The following GPR149 variants were observed in gnomAD, a reference collection of about 807,000 sequenced individuals.
GPR149 encodes the protein G protein-coupled receptor 149, also known as probable G protein-coupled receptor 149.
GPR149 carries 50 observed loss-of-function variants against 50.2 expected under a neutral mutation model. The observed-to-expected ratio is 1.00, with a 90% CI of 0.79 to 1.26. The LOEUF (loss-of-function observed/expected upper bound fraction) is 1.26, where lower values mean the gene tolerates loss of function less well. Among genes scored for constraint, GPR149 ranks in the 50% most tolerant of loss-of-function variants. GPR149 has a pLI of 0.00. For missense variants in GPR149, 983 were observed against 895.4 expected (o/e 1.10, Z -1.25); for synonymous variants, 405 against 358.2 (o/e 1.13, Z -1.48).
intron 3 of GPR149, chr3:154,354,777 G>T: frequency 2.8e-6 from 2 of 701,776 alleles, no homozygotes; most frequent in Non-Finnish European, 2.1e-6. Flanking sequence ...CCATAATGTC[G>T]CCCCAAGGAG....
At position 154,350,035 on chromosome 3, in the gene GPR149, A is replaced by G. The variant is rs182700244; in HGVS notation, c.1624-11764T>C. 2.8e-4 allele frequency among the ~76,000 whole-genome samples: 43 copies of G among 152,036 alleles called. No homozygotes were observed. In the East Asian group the frequency reaches 7.4e-3, roughly 26 times the overall value. On this transcript the variant is annotated intron_variant, in intron 3 of 3. Coordinates refer to ENST00000389740, the MANE Select transcript of GPR149 (RefSeq NM_001038705.3). The stretch of plus-strand genomic sequence containing the variant: ...GTAGCCTCCACCTCTATCTGTACAA[A>G]AAATAAAAAAATTTAGCTAGGCATG...
At chr3:154,417,876 A>G (rs1712031570) in intron 3 of GPR149, among the ~76,000 whole-genome samples, 2 of 152,216 alleles carry the variant, frequency 1.3e-5, no homozygotes, top group African/African-American at 4.8e-5. Context: ...TCAGTCCTAA[A>G]TGTGTTTTTG....
Position 154,338,080 on chromosome 3 carries a change from A to G in GPR149, c.1815T>C (p.Asp605=). The change falls in exon 4 of 4, where the codon GAT becomes GAC. Residue 605 remains aspartate, a synonymous_variant. Coordinates refer to ENST00000389740, the MANE Select transcript of GPR149 (RefSeq NM_001038705.3). ...TGGTGTCCACAAACGTGGATGAAGA[A>G]TCTTCTGAGTTTGGTTCATGGCCAA... is the stretch of plus-strand genomic sequence containing the variant. ...KSVGHEPNSE[D]SSSTFVDTSV... is the part of the protein sequence containing the mutation. The G allele has an allele frequency of 3.1e-6, 5 of 1,614,182 alleles. No individual in the cohort carries two copies. Among genetic ancestry groups the G allele is most frequent in the Middle Eastern group, 1.6e-4 (1 of 6,062 alleles).
At position 154,382,072 on chromosome 3, in the gene GPR149, ATC is replaced by A. The variant is rs2108407119; in HGVS notation, c.1623+38965_1623+38966del. ...ACATAGTGAGTCAATCTTAATACAT[ATC>A]TCTGAGAGTTTTCAAGTTTTCTTAT... is the stretch of plus-strand genomic sequence containing the variant. On this transcript the variant is annotated intron_variant, in intron 3 of 3. Transcript: ENST00000389740. Among the ~76,000 whole-genome samples the A allele has an allele frequency of 1.3e-5, 2 of 152,288 alleles. 1 individual carries two copies. Among genetic ancestry groups the A allele is most frequent in the South Asian group, 4.1e-4 (2 of 4,826 alleles).
intron 3 of GPR149, among the ~76,000 whole-genome samples, chr3:154,344,822 G>T (rs1713884950): frequency 6.6e-6 from 1 of 152,104 alleles, no homozygotes; most frequent in East Asian, 1.9e-4. Context: ...TCAGACTTCT[G>T]GTTTCTAGAA....
intron 3 of GPR149, among the ~76,000 whole-genome samples, chr3:154,376,787 C>G (rs1048096746): frequency 2.6e-5 from 4 of 152,094 alleles, no homozygotes; most frequent in African/African-American, 9.7e-5. Flanking sequence ...GGCAGTGCAG[C>G]TCAGTGGTTA....
At chr3:154,403,999 A>G (rs1374081628) in intron 3 of GPR149, among the ~76,000 whole-genome samples, 1 of 152,230 alleles carries the variant, frequency 6.6e-6, no homozygotes, top group Non-Finnish European at 1.5e-5. Flanking sequence ...AAACAACCAC[A>G]TGTGACTAGT....
rs1045390417 is a variant in GPR149 at position 154,343,936 on chromosome 3, G to A, written c.1624-5665C>T. ...AGAGGCTGCAGTGAGCCATGATCAC[G>A]CCACTGCATTCCAACCCGGGTGACA... On this transcript the variant is annotated intron_variant, in intron 3 of 3. Transcript: ENST00000389740. Among the ~76,000 whole-genome samples the A allele has an allele frequency of 3.3e-5, 5 of 151,790 alleles. No homozygotes were observed. The East Asian group carries it at 5.8e-4, about 18-fold the overall frequency.
chr3:154,360,609 A>G (rs1355032324), intron 3 of GPR149, among the ~76,000 whole-genome samples: 1 of 152,234 alleles, frequency 6.6e-6, no homozygotes, highest in African/African-American at 2.4e-5. Flanking sequence ...AGAAAAAAAT[A>G]GATAGTACAA....
chr3:154,369,184 C>T (rs1714605650), intron 3 of GPR149, among the ~76,000 whole-genome samples: 1 of 152,146 alleles, frequency 6.6e-6, no homozygotes, highest in Admixed American at 6.5e-5. Context: ...ACCATGCCTT[C>T]AAAACTGGAC....
At chr3:154,381,702 T>A (rs1714933244) in intron 3 of GPR149, among the ~76,000 whole-genome samples, 1 of 152,172 alleles carries the variant, frequency 6.6e-6, no homozygotes, top group African/African-American at 2.4e-5. Flanking sequence ...TTGGTGGAAC[T>A]ACTCTAACAA....
intron 3 of GPR149, among the ~76,000 whole-genome samples, chr3:154,341,799 C>A (rs1220115846): frequency 6.6e-6 from 1 of 151,842 alleles, no homozygotes; most frequent in Non-Finnish European, 1.5e-5. Flanking sequence ...AGGTGGATTC[C>A]CAAGTATAAT....
At chr3:154,349,509 C>T (rs1324420214) in intron 3 of GPR149, among the ~76,000 whole-genome samples, 1 of 152,060 alleles carries the variant, frequency 6.6e-6, no homozygotes. Flanking sequence ...TAGATTGATC[C>T]CTTGTAAAAC....
At chr3:154,410,403 A>G (rs1194492853) in intron 3 of GPR149, among the ~76,000 whole-genome samples, 1 of 152,198 alleles carries the variant, frequency 6.6e-6, no homozygotes, top group African/African-American at 2.4e-5. Context: ...TTGAATGTAA[A>G]TGGTCTAAAT....
chr3:154,379,532 T>G (rs182945702), intron 3 of GPR149, among the ~76,000 whole-genome samples: 1 of 152,298 alleles, frequency 6.6e-6, no homozygotes, highest in Admixed American at 6.5e-5. Flanking sequence ...AGGGTCACAG[T>G]AATTTTTTCC....
chr3:154,359,076 G>A lies in GPR149; in HGVS notation c.1624-20805C>T, dbSNP rs1287201056. On this transcript the variant is annotated intron_variant, in intron 3 of 3. Coordinates refer to ENST00000389740, the MANE Select transcript of GPR149 (RefSeq NM_001038705.3). ...TCGTTTAACTCCATAGAGCCTATACGGGTAGTATGCATTATTTAAATCAAT... is the reference window on the plus strand; with the variant it reads ...TCGTTTAACTCCATAGAGCCTATACAGGTAGTATGCATTATTTAAATCAAT... Among the ~76,000 whole-genome samples, 29 of 152,014 alleles carry A rather than the reference G, an allele frequency of 1.9e-4. 1 individual carries two copies. Among genetic ancestry groups the A allele is most frequent in the Admixed American group, 1.4e-3 (22 of 15,264 alleles).
chr3:154,387,192 G>A (rs1715063660), intron 3 of GPR149, among the ~76,000 whole-genome samples: 1 of 152,024 alleles, frequency 6.6e-6, no homozygotes, highest in African/African-American at 2.4e-5. Flanking sequence ...TTTTCTGCAG[G>A]GTGAACTATT....
intron 3 of GPR149, among the ~76,000 whole-genome samples, chr3:154,406,566 C>T (rs1046341655): frequency 1.3e-5 from 2 of 152,044 alleles, no homozygotes; most frequent in Non-Finnish European, 2.9e-5. Context: ...ATTACACAGC[C>T]ATGAGGAAGA....
At position 154,429,715 on chromosome 3, in the gene GPR149, G is replaced by T; in HGVS notation, c.-100C>A. On this transcript the variant is annotated 5_prime_UTR_variant, in exon 1 of 4. Coordinates refer to ENST00000389740, the MANE Select transcript of GPR149 (RefSeq NM_001038705.3). ...AATCAGATTTCATTCCTCCTACCAA[G>T]TTCCCCTCTAGATGTTCTCCTTGTC... 9.4e-7 allele frequency: 1 copy of T among 1,068,742 alleles called. No individual in the cohort carries two copies. Among genetic ancestry groups the T allele is most frequent in the African/African-American group, 1.6e-5 (1 of 63,266 alleles). 66.2% of individuals were successfully genotyped at this position (1,068,742 alleles called of 1,614,324 possible).
Sources: gnomAD v4.1 joint callset for allele counts (sites outside exome capture counted in the v4.1 genomes callset) on GRCh38, gnomAD v4.1.1 for gene constraint, MANE v1.5 for transcripts, NCBI Gene and HGNC (gene_info 2026-07-23, HGNC 2026-07-21) for gene names.